Variants in BMS1 observed in about 807,000 individuals in gnomAD.
BMS1 encodes the protein BMS1 ribosome biogenesis factor, also known as ribosome biogenesis protein BMS1 homolog.
Under a neutral mutation model 138.7 loss-of-function variants are expected in BMS1, and 53 were observed. The ratio of observed to expected loss-of-function variants is 0.38; its 90% confidence interval spans 0.31 to 0.48. The LOEUF (loss-of-function observed/expected upper bound fraction) is 0.48, where lower values mean the gene tolerates loss of function less well. BMS1 is among the 20% of genes least tolerant of loss of function. The pLI is 0.97. For synonymous variants in BMS1, 504 were observed against 539.9 expected (o/e 0.93, Z 0.92); for missense variants, 1,360 against 1,565.5 (o/e 0.87, Z 2.22).
chr10:42,795,912 GT>G (rs1841669732), intron 9 of BMS1, among the ~76,000 whole-genome samples: 1 of 152,106 alleles, frequency 6.6e-6, no homozygotes, highest in African/African-American at 2.4e-5. Flanking sequence ...ATGCACTTGT[GT>G]TTTGTTCCAT....
chr10:42,809,355 G>A (rs1785171882), intron 13 of BMS1, among the ~76,000 whole-genome samples: 1 of 151,992 alleles, frequency 6.6e-6, no homozygotes, highest in African/African-American at 2.4e-5. Context: ...ACAGACAGTT[G>A]TGTAGAAAAC....
chr10:42,820,418 C>T lies in BMS1; in HGVS notation c.2763C>T (p.Tyr921=), dbSNP rs146516083. The T allele has an allele frequency of 1.6e-5, 26 of 1,613,440 alleles. No homozygotes were observed. The highest frequency in any genetic ancestry group is 1.1e-4 in the African/African-American group (8 of 74,904). ...GCAACAGTGAGGGAAATGTTGGCTA[C>T]GTGCAGGTGGGTCCCTTTGCTACAT... ...GLGNSEGNVG[Y]VQMRLKKHRW... is the part of the protein sequence containing the mutation. The change falls in exon 16 of 23, where the codon TAC becomes TAT. Residue 921 remains tyrosine (Y), a synonymous_variant. Transcript: ENST00000374518.
intron 21 of BMS1, among the ~76,000 whole-genome samples, chr10:42,828,026 A>G (rs1842700729): frequency 6.6e-6 from 1 of 152,216 alleles, no homozygotes; most frequent in African/African-American, 2.4e-5. Flanking sequence ...TAATGTACAT[A>G]CAGAAGAGTG....
intron 21 of BMS1, 100 bp downstream of exon 21, chr10:42,823,884 C>T: frequency 9.1e-7 from 1 of 1,095,054 alleles, no homozygotes; most frequent in Non-Finnish European, 1.2e-6. Context: ...TTTGAATGTT[C>T]AAGTATAAAG....
chr10:42,798,638 A>G lies in BMS1; in HGVS notation c.2247+13A>G. ...GGATTTAGAGGAGGTAAGTCTGGGT[A>G]GTACATTTGATTTATTAGAGAATTA... On this transcript the variant is annotated intron_variant, in intron 12 of 22. Coordinates refer to ENST00000374518, the MANE Select transcript of BMS1 (RefSeq NM_014753.4). 2 of 1,612,230 alleles carry G rather than the reference A, an allele frequency of 1.2e-6. No homozygotes were observed. The highest frequency in any genetic ancestry group is 1.7e-6 in the Non-Finnish European group (2 of 1,178,616).
At chr10:42,805,228 C>T (rs1461471673) in intron 13 of BMS1, among the ~76,000 whole-genome samples, 2 of 152,260 alleles carry the variant, frequency 1.3e-5, no homozygotes, top group East Asian at 3.9e-4. Context: ...TTTCCCTGCA[C>T]CATCTGCTGA....
At chr10:42,819,694 C>G (rs1191751143) in intron 15 of BMS1, among the ~76,000 whole-genome samples, 1 of 152,186 alleles carries the variant, frequency 6.6e-6, no homozygotes, top group Admixed American at 6.5e-5. Flanking sequence ...CAGGGCTCCA[C>G]AGTTATCTAC....
rs544660473 is a variant in BMS1 at position 42,798,751 on chromosome 10, C to T, written c.2247+126C>T. 53 of 1,341,820 alleles carry T rather than the reference C, an allele frequency of 3.9e-5. No individual in the cohort carries two copies. In the Middle Eastern group the frequency reaches 7.6e-4, roughly 19 times the overall value. The allele number at this position is 1,341,820 out of a possible 1,614,324, so 83.1% of individuals were successfully genotyped here. ...TTTTTACAGGATTACAGGTCATTCTCCCAGATATTGTAGTGGGCGCTTCAT... is the reference window on the plus strand; with the variant it reads ...TTTTTACAGGATTACAGGTCATTCTTCCAGATATTGTAGTGGGCGCTTCAT... On this transcript the variant is annotated intron_variant, in intron 12 of 22. Coordinates refer to ENST00000374518, the MANE Select transcript of BMS1 (RefSeq NM_014753.4).
chr10:42,798,631 T>C lies in BMS1; in HGVS notation c.2247+6T>C. 1 of 1,614,074 alleles carries C rather than the reference T, an allele frequency of 6.2e-7. No individual in the cohort carries two copies. The highest frequency in any genetic ancestry group is 8.5e-7 in the Non-Finnish European group (1 of 1,179,916). On this transcript the variant is annotated splice_donor_region_variant and intron_variant, in intron 12 of 22. Transcript: ENST00000374518. The stretch of plus-strand genomic sequence containing the variant: ...ATGACTGGGATTTAGAGGAGGTAAG[T>C]CTGGGTAGTACATTTGATTTATTAG...
intron 12 of BMS1, among the ~76,000 whole-genome samples, chr10:42,800,583 G>T (rs755171502): frequency 3.4e-5 from 5 of 147,514 alleles, no homozygotes; most frequent in Admixed American, 1.4e-4. Context: ...CTGGAGTGCA[G>T]TGGCACAATC....
chr10:42,791,426 G>A (rs191892683), intron 5 of BMS1, among the ~76,000 whole-genome samples: 4 of 152,018 alleles, frequency 2.6e-5, no homozygotes, highest in Admixed American at 2.0e-4. Context: ...TGGATGCCCC[G>A]GCTCGGCTGC....
At chr10:42,799,278 T>A (rs2132324541) in intron 12 of BMS1, among the ~76,000 whole-genome samples, 1 of 152,224 alleles carries the variant, frequency 6.6e-6, no homozygotes, top group Non-Finnish European at 1.5e-5. Flanking sequence ...CCTGGCTAAT[T>A]TTTGCATTTT....
intron 13 of BMS1, among the ~76,000 whole-genome samples, chr10:42,815,068 C>CT (rs1380291394): frequency 6.6e-6 from 1 of 152,134 alleles, no homozygotes; most frequent in Admixed American, 6.5e-5. Flanking sequence ...CATCTCCTGT[C>CT]TATTATTTCT....
In BMS1 at chr10:42,796,755, GTGA is replaced by G; in HGVS notation, c.1512_1514del (p.Asp507del). The G allele has an allele frequency of 6.2e-7, 1 of 1,614,242 alleles. No individual in the cohort carries two copies. Among genetic ancestry groups the G allele is most frequent in the Non-Finnish European group, 8.5e-7 (1 of 1,180,050 alleles). On this transcript the variant is annotated inframe_deletion, in exon 10 of 23. Transcript: ENST00000374518. The stretch of plus-strand genomic sequence containing the variant: ...ATGGATTTGCCAGCATTTGCTGACA[GTGA>G]CGATGACCTTGAGAGGAGCTCAGCG...
chr10:42,798,493 T>C lies in BMS1; in HGVS notation c.2115T>C (p.Asp705=). ...TGACAGAAGATAATGAAGAAGAAGA[T>C]GATGATACTCTAGAAGAGCTTGGAG... is the stretch of plus-strand genomic sequence containing the variant. ...GTVTEDNEEE[D]DDTLEELGGL... is the part of the protein sequence containing the mutation. Residue 705 remains aspartate, a synonymous_variant, in exon 12 of 23, where the codon GAT becomes GAC. Transcript: ENST00000374518. The C allele has an allele frequency of 1.1e-5, 18 of 1,614,232 alleles. No homozygotes were observed. Among genetic ancestry groups the C allele is most frequent in the Non-Finnish European group, 1.5e-5 (18 of 1,180,052 alleles).
chr10:42,809,952 ATTTTTT>A (rs34656411), intron 13 of BMS1, among the ~76,000 whole-genome samples: 3 of 114,024 alleles, frequency 2.6e-5, no homozygotes, highest in Non-Finnish European at 5.2e-5. Context: ...TGTCTGGCTA[ATTTTTT>A]TTTTTTTTTT....
intron 12 of BMS1, among the ~76,000 whole-genome samples, chr10:42,799,817 GCAT>G (rs1841812833): frequency 6.6e-6 from 1 of 152,124 alleles, no homozygotes; most frequent in African/African-American, 2.4e-5. Context: ...GCTTCCATAA[GCAT>G]CATAGTTTAC....
Position 42,793,875 on chromosome 10 carries a change from G to A in BMS1, c.1113G>A (p.Glu371=), listed in dbSNP as rs1841590504. ...AGGATGAAGTGGGGCCCACCCATGA[G>A]CTGGTCCAGAGTCTCATCTCTACCC... ...VFQDEVGPTH[E]LVQSLISTHS... is the part of the protein sequence containing the mutation. Residue 371 remains glutamate, a synonymous_variant, in exon 9 of 23, where the codon GAG becomes GAA. Transcript: ENST00000374518. The A allele has an allele frequency of 6.2e-7, 1 of 1,611,848 alleles. No homozygotes were observed. Among genetic ancestry groups the A allele is most frequent in the Non-Finnish European group, 8.5e-7 (1 of 1,179,820 alleles).
intron 14 of BMS1, 51 bp downstream of exon 14, chr10:42,816,723 G>C (rs779870577): frequency 6.9e-7 from 1 of 1,455,034 alleles, no homozygotes; most frequent in Non-Finnish European, 9.5e-7. Context: ...TCTGAGAGAG[G>C]CCCACATTGA....
Sources: gnomAD v4.1 joint callset for allele counts (sites outside exome capture counted in the v4.1 genomes callset) on GRCh38, gnomAD v4.1.1 for gene constraint, MANE v1.5 for transcripts, NCBI Gene and HGNC (gene_info 2026-07-23, HGNC 2026-07-21) for gene names.